SLFN14: variants seen among roughly 807,000 people sequenced by gnomAD.
SLFN14 encodes protein SLFN14.
Under a neutral mutation model 58.6 loss-of-function variants are expected in SLFN14, and 47 were observed. The observed-to-expected ratio is 0.80, with a 90% CI of 0.64 to 1.02. The LOEUF is 1.02. Ranked by LOEUF, SLFN14 falls within the 50% of genes least tolerant of loss-of-function variation. The pLI, the probability that SLFN14 is intolerant of heterozygous loss-of-function variation, is 0.00. For missense variants in SLFN14, 967 were observed against 1,078.4 expected, an observed-to-expected ratio of 0.90 and a Z score of 1.45; for synonymous variants, 390 against 387.3, an observed-to-expected ratio of 1.01 and a Z score of -0.08.
rs1299847001 is a variant in SLFN14 at position 35,544,034 on chromosome 17, C to A, written c.*4205G>T. Among the ~76,000 whole-genome samples the A allele has an allele frequency of 6.6e-6, 1 of 152,190 alleles. No individual in the cohort carries two copies. Among genetic ancestry groups the A allele is most frequent in the African/African-American group, 2.4e-5 (1 of 41,438 alleles). On this transcript the variant is annotated 3_prime_UTR_variant, in exon 6 of 6. Coordinates refer to ENST00000674182, the MANE Select transcript of SLFN14 (RefSeq NM_001129820.2). ...TCTCATTCATGCACTTTCAGATCAG[C>A]TGGATTTTGGCTAAGCTAGTTAGGA...
rs9898142 is a variant in SLFN14, at chr17:35,545,466, G to A, written c.*2773C>T. On this transcript the variant is annotated 3_prime_UTR_variant, in exon 6 of 6. Transcript: ENST00000674182. ...GAACAGACTAGGAGAAGGGTTCAAT[G>A]GTTCTCAACCCTTGTGACATATTAG... Among the ~76,000 whole-genome samples the A allele has an allele frequency of 6.6e-6, 1 of 152,072 alleles. No homozygotes were observed. Among genetic ancestry groups the A allele is most frequent in the Non-Finnish European group, 1.5e-5 (1 of 68,024 alleles).
intron 3 of SLFN14, among the ~76,000 whole-genome samples, chr17:35,555,196 C>A (rs1181464800): frequency 6.6e-6 from 1 of 151,940 alleles, no homozygotes; most frequent in African/African-American, 2.4e-5. Flanking sequence ...CACGGTGAAA[C>A]CCCGTCTCTA....
At position 35,554,714 on chromosome 17, in the gene SLFN14, T is replaced by A. The variant is rs1386148913; in HGVS notation, c.1061-10A>T. 1 of 1,358,470 alleles carries A rather than the reference T, an allele frequency of 7.4e-7. No homozygotes were observed. The highest frequency in any genetic ancestry group is 9.5e-7 in the Non-Finnish European group (1 of 1,050,278). 84.2% of individuals were successfully genotyped at this position (1,358,470 alleles called of 1,614,324 possible). ...ACCAAACTGGGAGGAGCTAGACAAT[T>A]ACATGGAAAGTTGTTTCAGACAAAA... On this transcript the variant is annotated splice_polypyrimidine_tract_variant and intron_variant, in intron 3 of 5. Transcript: ENST00000674182.
In SLFN14 at chr17:35,547,032, G is replaced by C. The variant is rs571727490; in HGVS notation, c.*1207C>G. ...TAGGAAGACTACTTTCCAGGCCAGC[G>C]GCAGAGTATAAGGCATTTCTAGCCT... On this transcript the variant is annotated 3_prime_UTR_variant, in exon 6 of 6. Coordinates refer to ENST00000674182, the MANE Select transcript of SLFN14 (RefSeq NM_001129820.2). 1.2e-4 allele frequency among the ~76,000 whole-genome samples: 19 copies of C among 152,140 alleles called. No individual in the cohort carries two copies. Among genetic ancestry groups the C allele is most frequent in the Admixed American group, 2.6e-4 (4 of 15,284 alleles).
At chr17:35,559,972 A>G (rs1217313665) in intron 1 of SLFN14, among the ~76,000 whole-genome samples, 167 bp from the exon 2 acceptor site, 2 of 152,256 alleles carry the variant, frequency 1.3e-5, no homozygotes, top group Non-Finnish European at 2.9e-5. Context: ...AAGATCCTCC[A>G]GTCCAACAAT....
At chr17:35,552,623 T>A in intron 5 of SLFN14, 107 bp downstream of exon 5, 1 of 364,856 alleles carries the variant, frequency 2.7e-6, no homozygotes. Context: ...TGTATATATA[T>A]ACACATATAT....
chr17:35,554,319 TTATA>T lies in SLFN14; in HGVS notation c.1189+253_1189+256del, dbSNP rs2072627705. The stretch of plus-strand genomic sequence containing the variant: ...ATAGATATATAAATATTATATATAA[TTATA>T]TATAATAATTATATAATAAATTAAT... On this transcript the variant is annotated intron_variant, in intron 4 of 5. Transcript: ENST00000674182. Among the ~76,000 whole-genome samples the T allele has an allele frequency of 2.0e-5, 3 of 147,258 alleles. No individual in the cohort carries two copies. In the South Asian group the frequency reaches 6.3e-4, roughly 31 times the overall value.
chr17:35,556,092 C>T (rs997498695), intron 3 of SLFN14, among the ~76,000 whole-genome samples: 6 of 151,776 alleles, frequency 4.0e-5, no homozygotes, highest in Non-Finnish European at 7.4e-5. Context: ...GGCTGGAGTG[C>T]AGTGGAGTGA....
chr17:35,547,963 T>A lies in SLFN14; in HGVS notation c.*276A>T, dbSNP rs562206562. 2.0e-5 allele frequency among the ~76,000 whole-genome samples: 3 copies of A among 152,304 alleles called. No individual in the cohort carries two copies. The highest frequency in any genetic ancestry group is 4.4e-5 in the Non-Finnish European group (3 of 68,010). ...CAGTTCTCTATTTGAGGAAAAATTC[T>A]CTGATGGATGACAGCTGGATTGAGT... On this transcript the variant is annotated 3_prime_UTR_variant, in exon 6 of 6. Coordinates refer to ENST00000674182, the MANE Select transcript of SLFN14 (RefSeq NM_001129820.2).
rs913238538 is a variant in SLFN14 at position 35,547,905 on chromosome 17, T to C, written c.*334A>G. On this transcript the variant is annotated 3_prime_UTR_variant, in exon 6 of 6. Coordinates refer to ENST00000674182, the MANE Select transcript of SLFN14 (RefSeq NM_001129820.2). ...TAGGTTTGAAGGCTGTGGGGACTCA[T>C]TGAAGATATGTTAGCAAGGTATTAC... Among the ~76,000 whole-genome samples, 2 of 152,202 alleles carry C rather than the reference T, an allele frequency of 1.3e-5. No individual in the cohort carries two copies. Among genetic ancestry groups the C allele is most frequent in the South Asian group, 2.1e-4 (1 of 4,832 alleles).
intron 2 of SLFN14, among the ~76,000 whole-genome samples, 168 bp downstream of exon 2, chr17:35,559,559 A>C (rs994436845): frequency 1.1e-4 from 16 of 152,198 alleles, no homozygotes; most frequent in African/African-American, 3.9e-4. Flanking sequence ...CCTAAACTGA[A>C]ATTTGAGCTC....
chr17:35,553,761 CT>C (rs1257971157), intron 4 of SLFN14, among the ~76,000 whole-genome samples: 1 of 152,172 alleles, frequency 6.6e-6, no homozygotes, highest in Non-Finnish European at 1.5e-5. Flanking sequence ...GCCTCAGCCT[CT>C]GGAGTAGCTG....
rs2072534071 is a variant in SLFN14, at chr17:35,546,287, A to G, written c.*1952T>C. On this transcript the variant is annotated 3_prime_UTR_variant, in exon 6 of 6. Coordinates refer to ENST00000674182, the MANE Select transcript of SLFN14 (RefSeq NM_001129820.2). The stretch of plus-strand genomic sequence containing the variant: ...ATTTCCTCCTATCCAAAACTACCCT[A>G]AAGCCCCCAAGGAAAGGTAAAAAGG... 6.6e-6 allele frequency among the ~76,000 whole-genome samples: 1 copy of G among 152,314 alleles called. No individual in the cohort carries two copies. Among genetic ancestry groups the G allele is most frequent in the East Asian group, 1.9e-4 (1 of 5,188 alleles).
In SLFN14 at chr17:35,548,585, A is replaced by C. The variant is rs1306794749; in HGVS notation, c.2393T>G (p.Val798Gly). ...GAACAGGCTGTGACATTTTCTTGCC[A>C]CATAGTTAGCTATTTGTTCTGTTGT... Reference protein sequence around the residue: ...NLTTEQIANYVARKCHSLFQC... With the variant: ...NLTTEQIANYGARKCHSLFQC... The change falls in exon 6 of 6, where the codon GTG becomes GGG. Residue 798 changes from valine to glycine, a missense_variant. Val to Gly is a moderately radical substitution (Grantham distance 109). Coordinates refer to ENST00000674182, the MANE Select transcript of SLFN14 (RefSeq NM_001129820.2). The C allele has an allele frequency of 6.4e-7, 1 of 1,551,758 alleles. No individual in the cohort carries two copies. The highest frequency in any genetic ancestry group is 2.0e-5 in the Admixed American group (1 of 51,010).
rs919643845 is a variant in SLFN14, at chr17:35,557,279, C to T, written c.784G>A (p.Val262Met). ...KEVVGCKWEK[V>M]NPDLLKKEIE... Reference sequence around the variant, plus strand: ...TCTTTTTTTAGTAAGTCAGGATTCACTTTTTCCCACTTACATCCAACCACT... The same window carrying T: ...TCTTTTTTTAGTAAGTCAGGATTCATTTTTTCCCACTTACATCCAACCACT... The change falls in exon 3 of 6, where the codon GTG becomes ATG. Residue 262 changes from valine to methionine, a missense_variant. Physicochemically the swap from Val to Met is conservative, Grantham distance 21. Coordinates refer to ENST00000674182, the MANE Select transcript of SLFN14 (RefSeq NM_001129820.2). 5 of 1,551,618 alleles carry T rather than the reference C, an allele frequency of 3.2e-6. No individual in the cohort carries two copies. In the African/African-American group the frequency reaches 6.8e-5, roughly 21 times the overall value.
chr17:35,556,643 G>A (rs1288340571), intron 3 of SLFN14, among the ~76,000 whole-genome samples: 10 of 152,148 alleles, frequency 6.6e-5, no homozygotes, highest in Admixed American at 2.0e-4. Context: ...AAAATTAGCC[G>A]ACATGGTGGT....
rs999741348 is a variant in SLFN14 at position 35,554,517 on chromosome 17, C to A, written c.1189+59G>T. On this transcript the variant is annotated intron_variant, in intron 4 of 5. Coordinates refer to ENST00000674182, the MANE Select transcript of SLFN14 (RefSeq NM_001129820.2). Reference sequence around the variant, plus strand: ...ACACCTGAACTCATTACTACTAACACCTCCCAACTCAATTTTAGAAAACAA... The same window carrying A: ...ACACCTGAACTCATTACTACTAACAACTCCCAACTCAATTTTAGAAAACAA... 70 of 1,446,780 alleles carry A rather than the reference C, an allele frequency of 4.8e-5. No homozygotes were observed. The Middle Eastern group carries it at 7.2e-4, about 15-fold the overall frequency. 89.6% of individuals were successfully genotyped at this position (1,446,780 alleles called of 1,614,324 possible). A position where few individuals can be genotyped will look rare whatever the true frequency, so the allele number is the denominator to read the frequency against.
Position 35,545,133 on chromosome 17 carries a change from A to G in SLFN14, c.*3106T>C, listed in dbSNP as rs904294518. Among the ~76,000 whole-genome samples the G allele has an allele frequency of 2.0e-5, 3 of 152,172 alleles. No homozygotes were observed. The highest frequency in any genetic ancestry group is 7.2e-5 in the African/African-American group (3 of 41,448). On this transcript the variant is annotated 3_prime_UTR_variant, in exon 6 of 6. Transcript: ENST00000674182. ...TAATTTGACCTGTTGCCTAAAAACA[A>G]TTGAGTTGCCTTTATTGTTCCCTTA...
rs763384352 is a variant in SLFN14 at position 35,548,720 on chromosome 17, G to A, written c.2258C>T (p.Pro753Leu). 90 of 1,551,588 alleles carry A rather than the reference G, an allele frequency of 5.8e-5. No homozygotes were observed. Among genetic ancestry groups the A allele is most frequent in the Non-Finnish European group, 7.5e-5 (86 of 1,146,998 alleles). The change falls in exon 6 of 6, where the codon CCT (proline) becomes CTT (leucine). Residue 753 changes from proline to leucine, a missense_variant. Transcript: ENST00000674182. ...TGTGTCTGGAGACATGTTGGAGGGA[G>A]GATTTTCTTTGATCCTCTTCATTTC... ...KEEMKRIKEN[P>L]PSNMSPDTLA...
Sources: gnomAD v4.1 joint callset for allele counts (sites outside exome capture counted in the v4.1 genomes callset) on GRCh38, gnomAD v4.1.1 for gene constraint, MANE v1.5 for transcripts, NCBI Gene and HGNC (gene_info 2026-07-23, HGNC 2026-07-21) for gene names.